The following RORA variants were observed in gnomAD, a reference collection of about 807,000 sequenced individuals.
RORA encodes the protein nuclear receptor ROR-alpha.
A neutral mutation model predicts 69.5 loss-of-function variants in RORA; 7 were observed. The ratio of observed to expected loss-of-function variants is 0.10; its 90% confidence interval spans 0.06 to 0.19. RORA has a LOEUF of 0.19. RORA is among the 10% of genes least tolerant of loss of function. The pLI is 1.00. For synonymous variants in RORA, 261 were observed against 240.8 expected (o/e 1.08, Z -0.78); for missense variants, 457 against 663.0 (o/e 0.69, Z 3.41).
chr15:61,188,220 C>G (rs575377011), intron 1 of RORA, among the ~76,000 whole-genome samples: 71 of 152,276 alleles, frequency 4.7e-4, no homozygotes, highest in South Asian at 1.0e-3. Context: ...TGCAAAAGGT[C>G]AGAAAGTGAA....
intron 1 of RORA, among the ~76,000 whole-genome samples, chr15:61,166,826 A>G (rs2079543059): frequency 6.6e-6 from 1 of 152,162 alleles, no homozygotes. Flanking sequence ...ATCCACAGCT[A>G]CAATGCTTGC....
chr15:60,880,490 T>A (rs540553042), intron 1 of RORA, among the ~76,000 whole-genome samples: 125 of 152,132 alleles, frequency 8.2e-4, no homozygotes, highest in Admixed American at 2.2e-3. Context: ...AATACAAAAA[T>A]TAGCTGGGCG....
chr15:60,836,021 C>T (rs758365744), intron 1 of RORA, among the ~76,000 whole-genome samples: 1 of 152,210 alleles, frequency 6.6e-6, no homozygotes, highest in Non-Finnish European at 1.5e-5. Flanking sequence ...TACTTCATTA[C>T]ACTGACCTCT....
intron 1 of RORA, chr15:60,681,866 C>T (rs924385438): frequency 3.9e-5 from 6 of 152,160 alleles, no homozygotes; most frequent in African/African-American, 1.4e-4. Flanking sequence ...CCTAGTGCTA[C>T]CACCAGCAGT....
At chr15:60,962,767 G>A (rs1024290854) in intron 1 of RORA, among the ~76,000 whole-genome samples, 7 of 152,218 alleles carry the variant, frequency 4.6e-5, no homozygotes, top group African/African-American at 1.4e-4. Context: ...TGGTGGCATG[G>A]TCTTTGTCTG....
At chr15:61,062,746 CA>C (rs2078204652) in intron 1 of RORA, among the ~76,000 whole-genome samples, 1 of 152,186 alleles carries the variant, frequency 6.6e-6, no homozygotes, top group African/African-American at 2.4e-5. Flanking sequence ...CCCAACTGCA[CA>C]GGCATGCAAC....
At chr15:60,754,337 T>C (rs2071767217) in intron 1 of RORA, among the ~76,000 whole-genome samples, 1 of 152,196 alleles carries the variant, frequency 6.6e-6, no homozygotes, top group African/African-American at 2.4e-5. Flanking sequence ...AAGACTGCTC[T>C]TAACACCAAC....
chr15:61,087,316 A>C (rs904789426), intron 1 of RORA, among the ~76,000 whole-genome samples: 4 of 152,374 alleles, frequency 2.6e-5, no homozygotes, highest in African/African-American at 9.6e-5. Flanking sequence ...TACTCCAACC[A>C]ATTACCAGAT....
At chr15:60,667,404 G>A (rs1216686109) in intron 2 of RORA, among the ~76,000 whole-genome samples, 4 of 151,404 alleles carry the variant, frequency 2.6e-5, no homozygotes, top group African/African-American at 2.5e-5. Flanking sequence ...AAACGAAATC[G>A]GAGGCAGATA....
chr15:60,881,037 G>A (rs963510372), intron 1 of RORA, among the ~76,000 whole-genome samples: 26 of 152,156 alleles, frequency 1.7e-4, no homozygotes, highest in Non-Finnish European at 7.3e-5. Context: ...GACAAATGCT[G>A]ATCTAAACAA....
chr15:60,491,952 A>G lies in RORA; in HGVS notation c.*5503T>C, dbSNP rs1006388631. ...CTGGGCACATTATTTGATCTATAAT[A>G]TAAAGTTGTTTTCATGGGGTTCTAT... On this transcript the variant is annotated 3_prime_UTR_variant, in exon 11 of 11. Transcript: ENST00000335670. 3 of 152,188 alleles carry G rather than the reference A, an allele frequency of 2.0e-5. No individual in the cohort carries two copies. The highest frequency in any genetic ancestry group is 4.4e-5 in the Non-Finnish European group (3 of 68,020). The allele number at this position is 152,188 out of a possible 1,614,324, so 9.4% of individuals were successfully genotyped here.
At chr15:60,847,959 C>G (rs1450080044) in intron 1 of RORA, 1 of 152,276 alleles carries the variant, frequency 6.6e-6, no homozygotes, top group Admixed American at 6.5e-5. Context: ...CAGCCCTCTG[C>G]CCACGTTCCA....
At chr15:61,122,815 AGCTAC>A (rs1275273719) in intron 1 of RORA, among the ~76,000 whole-genome samples, 2 of 152,130 alleles carry the variant, frequency 1.3e-5, no homozygotes, top group Non-Finnish European at 2.9e-5. Context: ...TCTAAATGTA[AGCTAC>A]GCCATCCTCT....
At position 60,739,016 on chromosome 15, in the gene RORA, C is replaced by T. The variant is rs114712061; in HGVS notation, c.167-60330G>A. Reference sequence around the variant, plus strand: ...GGCCCACCCTACTCCATGATGACCTCATTTTAACTTAACTAATTGCTCGGA... The same window carrying T: ...GGCCCACCCTACTCCATGATGACCTTATTTTAACTTAACTAATTGCTCGGA... On this transcript the variant is annotated intron_variant, in intron 1 of 10. Coordinates refer to ENST00000335670, the MANE Select transcript of RORA (RefSeq NM_134261.3). Among the ~76,000 whole-genome samples, 599 of 152,300 alleles carry T rather than the reference C, an allele frequency of 3.9e-3. 2 individuals carry two copies. Among genetic ancestry groups the T allele is most frequent in the African/African-American group, 0.014 (582 of 41,564 alleles).
intron 1 of RORA, among the ~76,000 whole-genome samples, chr15:61,047,068 C>T (rs1486018873): frequency 6.6e-6 from 1 of 152,236 alleles, no homozygotes; most frequent in East Asian, 1.9e-4. Flanking sequence ...TCCACAGCCA[C>T]CTCTGGTGTG....
chr15:61,111,185 T>C (rs2079003230), intron 1 of RORA, among the ~76,000 whole-genome samples: 1 of 152,222 alleles, frequency 6.6e-6, no homozygotes. Flanking sequence ...GAAGGAACAA[T>C]AGCAGTATGT....
chr15:61,164,804 TAA>T, intron 1 of RORA, among the ~76,000 whole-genome samples: 1 of 152,134 alleles, frequency 6.6e-6, no homozygotes, highest in East Asian at 1.9e-4. Context: ...TTTGAAAAAT[TAA>T]GAGAGGTATG....
intron 1 of RORA, among the ~76,000 whole-genome samples, chr15:60,944,863 T>A (rs1248074341): frequency 6.6e-6 from 1 of 152,158 alleles, no homozygotes; most frequent in Non-Finnish European, 1.5e-5. Flanking sequence ...GTGGTTGAGA[T>A]GCTGCATGCC....
At chr15:60,670,863 C>G (rs1278413813) in intron 2 of RORA, among the ~76,000 whole-genome samples, 1 of 152,030 alleles carries the variant, frequency 6.6e-6, no homozygotes, top group Middle Eastern at 3.2e-3. Flanking sequence ...AGTGTCATCA[C>G]TGAAAGTGAA....
Sources: allele counts gnomAD v4.1 joint callset (sites outside exome capture counted in the v4.1 genomes callset), GRCh38; gene constraint gnomAD v4.1.1; transcripts MANE v1.5; gene names NCBI Gene and HGNC (gene_info 2026-07-23, HGNC 2026-07-21).